PAX8: variants seen among roughly 807,000 people sequenced by gnomAD.
PAX8 encodes paired box 8.
PAX8 carries 15 observed loss-of-function variants against 52.4 expected under a neutral mutation model. That is an observed-to-expected ratio of 0.29 (90% CI 0.19 to 0.44). PAX8 has a LOEUF of 0.44. Ranked by LOEUF, PAX8 falls within the 20% of genes least tolerant of loss-of-function variation. The pLI is 1.00. For missense variants in PAX8, 554 were observed against 602.5 expected (o/e 0.92, Z 0.84); for synonymous variants, 284 against 249.7 (o/e 1.14, Z -1.29).
At chr2:113,247,360 A>G (rs77972431) in intron 2 of PAX8, among the ~76,000 whole-genome samples, 7,400 of 152,278 alleles carry the variant, frequency 0.049, 263 homozygotes, top group South Asian at 0.15. Context: ...GGTGATTTTC[A>G]CCTTTCTCCT....
At chr2:113,244,245 A>G (rs1691121742) in intron 4 of PAX8, among the ~76,000 whole-genome samples, 182 bp downstream of exon 4, 1 of 152,130 alleles carries the variant, frequency 6.6e-6, no homozygotes, top group Admixed American at 6.5e-5. Flanking sequence ...AGCATGGGGC[A>G]AGGGAGGAGG....
At chr2:113,264,508 C>A (rs1002894373) in intron 2 of PAX8, among the ~76,000 whole-genome samples, 8 of 152,176 alleles carry the variant, frequency 5.3e-5, no homozygotes, top group African/African-American at 1.7e-4. Context: ...ACCAAGGAAG[C>A]AATAAAAAAT....
intron 2 of PAX8, chr2:113,267,012 C>T (rs1412618155): frequency 1.3e-5 from 2 of 152,210 alleles, no homozygotes; most frequent in Admixed American, 1.3e-4. Flanking sequence ...GAGAAACAAG[C>T]TCGGTGTTGT....
At chr2:113,252,927 CT>C (rs1691898277) in intron 2 of PAX8, among the ~76,000 whole-genome samples, 1 of 152,232 alleles carries the variant, frequency 6.6e-6, no homozygotes, top group South Asian at 2.1e-4. Flanking sequence ...TGATACTCTT[CT>C]TTCCTATTGT....
chr2:113,227,633 C>G (rs1421273762), intron 9 of PAX8, among the ~76,000 whole-genome samples: 6 of 152,214 alleles, frequency 3.9e-5, no homozygotes, highest in Admixed American at 3.9e-4. Context: ...GTGGGTATAG[C>G]TGGCCTCCAT....
At chr2:113,257,671 G>A (rs577187598) in intron 2 of PAX8, among the ~76,000 whole-genome samples, 5 of 152,108 alleles carry the variant, frequency 3.3e-5, no homozygotes, top group Admixed American at 2.0e-4. Flanking sequence ...AACTAGGCTC[G>A]TATTTCACCA....
chr2:113,278,361 C>T lies in PAX8; in HGVS notation c.25+9G>A. 1.3e-6 allele frequency: 2 copies of T among 1,595,594 alleles called. No individual in the cohort carries two copies. Among genetic ancestry groups the T allele is most frequent in the South Asian group, 2.2e-5 (2 of 90,452 alleles). On this transcript the variant is annotated intron_variant, in intron 2 of 11. Coordinates refer to ENST00000429538, the MANE Select transcript of PAX8 (RefSeq NM_003466.4). ...GGGCTCGGGGATCCTGACCACACCG[C>T]GTTCTTACCAGATCTGATGGAGTTG... is the stretch of plus-strand genomic sequence containing the variant.
intron 7 of PAX8, chr2:113,238,482 C>G (rs1690550847): frequency 6.6e-6 from 1 of 152,478 alleles, no homozygotes; most frequent in Non-Finnish European, 1.5e-5. Context: ...ACTCAGAATC[C>G]TATAGCTATT....
chr2:113,246,701 T>C, intron 3 of PAX8, 53 bp downstream of exon 3: 2 of 1,586,404 alleles, frequency 1.3e-6, no homozygotes, highest in Non-Finnish European at 1.7e-6. Flanking sequence ...TGAGATCAGC[T>C]GGAGAAGTCA....
At chr2:113,241,267 G>C in intron 7 of PAX8, 1 of 552,490 alleles carries the variant, frequency 1.8e-6, no homozygotes, top group Non-Finnish European at 3.3e-6. Context: ...ATCTGGGAAA[G>C]ACGCTGATGG....
At chr2:113,272,876 A>G (rs1693558079) in intron 2 of PAX8, 2 of 152,164 alleles carry the variant, frequency 1.3e-5, no homozygotes, top group South Asian at 2.1e-4. Context: ...ACTAAATTCT[A>G]TCTCTGAAGA....
intron 2 of PAX8, among the ~76,000 whole-genome samples, chr2:113,256,932 G>A (rs954686932): frequency 3.3e-5 from 5 of 152,144 alleles, no homozygotes; most frequent in East Asian, 3.9e-4. Flanking sequence ...TCAGTAGACC[G>A]TCCACAAATG....
chr2:113,249,340 G>A (rs888185845), intron 2 of PAX8, among the ~76,000 whole-genome samples: 1 of 152,210 alleles, frequency 6.6e-6, no homozygotes, highest in African/African-American at 2.4e-5. Context: ...TTTGGGTCCA[G>A]GCACTGAACA....
intron 2 of PAX8, among the ~76,000 whole-genome samples, chr2:113,258,248 T>C (rs1197019526): frequency 6.6e-6 from 1 of 152,220 alleles, no homozygotes; most frequent in African/African-American, 2.4e-5. Flanking sequence ...TTTATTTCCC[T>C]TTACTCTTGT....
intron 2 of PAX8, chr2:113,276,439 G>C (rs1339390016): frequency 1.3e-5 from 2 of 152,114 alleles, no homozygotes; most frequent in African/African-American, 4.8e-5. Flanking sequence ...CCGAAAAGAA[G>C]AAAGGGGAAA....
intron 2 of PAX8, among the ~76,000 whole-genome samples, chr2:113,254,383 C>T (rs556338008): frequency 6.6e-6 from 1 of 152,080 alleles, no homozygotes; most frequent in East Asian, 1.9e-4. Context: ...AAGAACACAA[C>T]AGGGTGTAAT....
intron 9 of PAX8, among the ~76,000 whole-genome samples, chr2:113,234,275 G>A (rs1354820661): frequency 6.6e-6 from 1 of 152,210 alleles, no homozygotes; most frequent in Non-Finnish European, 1.5e-5. Flanking sequence ...CAAGCCAAGC[G>A]CTTGACTCTC....
chr2:113,233,547 G>A (rs1439073635), intron 9 of PAX8, among the ~76,000 whole-genome samples: 4 of 151,838 alleles, frequency 2.6e-5, no homozygotes, highest in Non-Finnish European at 5.9e-5. Context: ...GTGTAGTGGC[G>A]CCCATTTGTA....
At chr2:113,268,016 G>A (rs1049767929) in intron 2 of PAX8, 8 of 152,380 alleles carry the variant, frequency 5.3e-5, no homozygotes, top group African/African-American at 1.9e-4. Context: ...GCCCTTGCGT[G>A]AGCCTGAGAG....
Sources: allele counts gnomAD v4.1 joint callset (sites outside exome capture counted in the v4.1 genomes callset), GRCh38; gene constraint gnomAD v4.1.1; transcripts MANE v1.5; gene names NCBI Gene and HGNC (gene_info 2026-07-23, HGNC 2026-07-21).